The following LRRIQ3 variants were observed in gnomAD, a reference collection of about 807,000 sequenced individuals.
LRRIQ3 encodes the protein leucine rich repeats and IQ motif containing 3.
In LRRIQ3, 75 loss-of-function variants were observed where a neutral mutation model predicts 59.3. That is an observed-to-expected ratio of 1.26 (90% CI 1.05 to 1.53). The LOEUF (loss-of-function observed/expected upper bound fraction) is 1.53. Ranked by LOEUF, LRRIQ3 falls within the 40% of genes most tolerant of loss-of-function variation. The probability of loss-of-function intolerance (pLI) is 0.00; values close to 1 mark genes in which losing one functional copy is unlikely to be tolerated. For synonymous variants in LRRIQ3, 250 were observed against 231.3 expected, an observed-to-expected ratio of 1.08 and a Z score of -0.73; for missense variants, 831 against 710.0, an observed-to-expected ratio of 1.17 and a Z score of -1.94.
At chr1:74,134,391 A>G (rs1647084612) in intron 4 of LRRIQ3, among the ~76,000 whole-genome samples, 1 of 152,054 alleles carries the variant, frequency 6.6e-6, no homozygotes, top group Non-Finnish European at 1.5e-5. Context: ...AGGTACTACT[A>G]TGGCATAGCA....
At chr1:74,056,709 T>A (rs1365929557) in intron 6 of LRRIQ3, among the ~76,000 whole-genome samples, 1 of 152,186 alleles carries the variant, frequency 6.6e-6, no homozygotes, top group Non-Finnish European at 1.5e-5. Flanking sequence ...TGAAATAGTT[T>A]CAGGAACACA....
intron 6 of LRRIQ3, among the ~76,000 whole-genome samples, chr1:74,067,015 A>C (rs1654884988): frequency 6.6e-6 from 1 of 152,190 alleles, no homozygotes; most frequent in South Asian, 2.1e-4. Context: ...GAAAGCTAGA[A>C]AATGTAGAGA....
chr1:74,062,533 A>G (rs1272026155), intron 6 of LRRIQ3, among the ~76,000 whole-genome samples: 2 of 152,118 alleles, frequency 1.3e-5, no homozygotes, highest in Non-Finnish European at 2.9e-5. Context: ...TGAGTACTCA[A>G]AGGAATAGAA....
chr1:74,094,540 T>C (rs1646429012), intron 5 of LRRIQ3, among the ~76,000 whole-genome samples: 1 of 152,100 alleles, frequency 6.6e-6, no homozygotes, highest in East Asian at 1.9e-4. Flanking sequence ...ATCAGCCATG[T>C]AAACACTTTG....
chr1:74,195,978 T>C (rs1385142193), intron 1 of LRRIQ3, among the ~76,000 whole-genome samples: 1 of 152,030 alleles, frequency 6.6e-6, no homozygotes, highest in African/African-American at 2.4e-5. Flanking sequence ...AATTTACTCC[T>C]ACTCATATAT....
At position 74,155,780 on chromosome 1, in the gene LRRIQ3, C is replaced by T. The variant is rs1230717497; in HGVS notation, c.660G>A (p.Leu220=). 3 of 1,583,348 alleles carry T rather than the reference C, an allele frequency of 1.9e-6. No individual in the cohort carries two copies. Among genetic ancestry groups the T allele is most frequent in the African/African-American group, 2.7e-5 (2 of 73,294 alleles). ...AACCACGTATCCATCTTTGAACAAT[C>T]AAAACTGGTGAATTATGAGCCAGAA... is the stretch of plus-strand genomic sequence containing the variant. ...NAILAHNSPV[L]IVQRWIRGFL... The change falls in exon 4 of 8, where the codon TTG becomes TTA. Residue 220 remains leucine, a synonymous_variant. Transcript: ENST00000354431.
At chr1:74,173,294 CAAA>C (rs71078187) in intron 3 of LRRIQ3, among the ~76,000 whole-genome samples, 1 of 117,500 alleles carries the variant, frequency 8.5e-6, no homozygotes, top group Non-Finnish European at 1.7e-5. Context: ...GAGTCCATCT[CAAA>C]AAAAAAAAAA....
chr1:74,131,594 C>A (rs1647021025), intron 4 of LRRIQ3, among the ~76,000 whole-genome samples: 1 of 152,062 alleles, frequency 6.6e-6, no homozygotes, highest in African/African-American at 2.4e-5. Context: ...TAAATGTAAT[C>A]CAGCATATAA....
intron 4 of LRRIQ3, among the ~76,000 whole-genome samples, chr1:74,142,872 C>CT (rs1234310946): frequency 6.6e-6 from 1 of 151,960 alleles, no homozygotes; most frequent in Non-Finnish European, 1.5e-5. Flanking sequence ...GCCCACCCAT[C>CT]TTTTTATGAC....
At chr1:74,158,644 A>G (rs1648487002) in intron 3 of LRRIQ3, among the ~76,000 whole-genome samples, 1 of 152,070 alleles carries the variant, frequency 6.6e-6, no homozygotes, top group South Asian at 2.1e-4. Context: ...GTTGAGTTTT[A>G]CCTGACCCCT....
At chr1:74,167,830 A>T (rs1212362505) in intron 3 of LRRIQ3, among the ~76,000 whole-genome samples, 3 of 152,008 alleles carry the variant, frequency 2.0e-5, no homozygotes, top group Non-Finnish European at 4.4e-5. Flanking sequence ...ACACACACAC[A>T]CGAAAGAATT....
At chr1:74,114,485 C>A (rs556182115) in intron 4 of LRRIQ3, among the ~76,000 whole-genome samples, 82 of 151,928 alleles carry the variant, frequency 5.4e-4, no homozygotes, top group Non-Finnish European at 9.1e-4. Context: ...GCCTGTAATC[C>A]CAGCACTTTG....
chr1:74,052,769 A>C (rs1270538685), intron 6 of LRRIQ3, among the ~76,000 whole-genome samples: 7 of 152,100 alleles, frequency 4.6e-5, no homozygotes, highest in Non-Finnish European at 4.4e-5. Context: ...GAATATATTC[A>C]ATCTGCAGTT....
rs112655365 is a variant in LRRIQ3 at position 74,111,187 on chromosome 1, A to G, written c.708-1634T>C. Among the ~76,000 whole-genome samples the G allele has an allele frequency of 9.9e-4, 151 of 152,062 alleles. 1 individual carries two copies. Among genetic ancestry groups the G allele is most frequent in the African/African-American group, 3.3e-3 (139 of 41,526 alleles). ...AAAAGTAGTCTTCTGCAAATGCTCA[A>G]TATGTGCCCTGTGAAGAGAAAAAAA... is the stretch of plus-strand genomic sequence containing the variant. On this transcript the variant is annotated intron_variant, in intron 4 of 7. Transcript: ENST00000354431.
At chr1:74,139,942 T>G (rs968290839) in intron 4 of LRRIQ3, among the ~76,000 whole-genome samples, 2 of 151,884 alleles carry the variant, frequency 1.3e-5, no homozygotes, top group Non-Finnish European at 2.9e-5. Context: ...AGAGTGTATC[T>G]TCCAAAACAG....
intron 4 of LRRIQ3, among the ~76,000 whole-genome samples, chr1:74,115,090 G>A (rs183223893): frequency 6.6e-6 from 1 of 151,646 alleles, no homozygotes; most frequent in East Asian, 1.9e-4. Context: ...GAATTGAAGC[G>A]GTACAAATCA....
At chr1:74,106,284 A>G (rs1293675884) in intron 5 of LRRIQ3, among the ~76,000 whole-genome samples, 1 of 151,974 alleles carries the variant, frequency 6.6e-6, no homozygotes, top group Non-Finnish European at 1.5e-5. Flanking sequence ...TCACTTTCTT[A>G]CTTCACAGAT....
At chr1:74,098,511 A>G (rs7546306) in intron 5 of LRRIQ3, among the ~76,000 whole-genome samples, 70,965 of 151,814 alleles carry the variant, frequency 0.47, 18,266 homozygotes, top group East Asian at 0.82. Flanking sequence ...AGAAAGTTAA[A>G]AAGGATATCC....
intron 5 of LRRIQ3, among the ~76,000 whole-genome samples, chr1:74,097,839 A>C (rs1443703945): frequency 2.0e-5 from 3 of 152,168 alleles, no homozygotes; most frequent in African/African-American, 7.2e-5. Context: ...AAAATCCTTT[A>C]CAGACAAGCA....
Sources: allele counts gnomAD v4.1 joint callset (sites outside exome capture counted in the v4.1 genomes callset), GRCh38; gene constraint gnomAD v4.1.1; transcripts MANE v1.5; gene names NCBI Gene and HGNC (gene_info 2026-07-23, HGNC 2026-07-21).